LRFN5: variants seen among roughly 807,000 people sequenced by gnomAD.
LRFN5 encodes leucine-rich repeat and fibronectin type-III domain-containing protein 5.
In LRFN5, 24 loss-of-function variants were observed where a neutral mutation model predicts 45.6. The observed-to-expected ratio is 0.53, with a 90% CI of 0.38 to 0.74. LRFN5 has a LOEUF of 0.74. LRFN5 is among the 30% of genes least tolerant of loss of function. The pLI is 0.00. For missense variants in LRFN5, 776 were observed against 861.5 expected, an observed-to-expected ratio of 0.90 and a Z score of 1.24; for synonymous variants, 340 against 313.8, an observed-to-expected ratio of 1.08 and a Z score of -0.88.
At chr14:41,701,589 G>A (rs533312296) in intron 1 of LRFN5, 2 of 152,260 alleles carry the variant, frequency 1.3e-5, no homozygotes, top group South Asian at 4.1e-4. Context: ...ACCTGTCCCT[G>A]TCCCTGTCCT....
intron 2 of LRFN5, among the ~76,000 whole-genome samples, chr14:41,850,681 T>G (rs1383848869): frequency 6.6e-6 from 1 of 151,976 alleles, no homozygotes; most frequent in East Asian, 1.9e-4. Flanking sequence ...TTAATTTCCA[T>G]GAGCAATTTC....
At chr14:41,851,499 A>G (rs1889265903) in intron 2 of LRFN5, among the ~76,000 whole-genome samples, 1 of 151,804 alleles carries the variant, frequency 6.6e-6, no homozygotes, top group Non-Finnish European at 1.5e-5. Context: ...AAGTTCCCCA[A>G]TATGGAACCA....
At position 41,887,697 on chromosome 14, in the gene LRFN5, A is replaced by G. The variant is rs1265714759; in HGVS notation, c.1072A>G (p.Ile358Val). 1.2e-6 allele frequency: 2 copies of G among 1,614,032 alleles called. No homozygotes were observed. Among genetic ancestry groups the G allele is most frequent in the Non-Finnish European group, 8.5e-7 (1 of 1,180,028 alleles). The change falls in exon 3 of 6, where the codon ATT becomes GTT. Residue 358 changes from isoleucine to valine, a missense_variant. Physicochemically the swap from Ile to Val is conservative, Grantham distance 29 (BLOSUM62 3). Coordinates refer to ENST00000298119, the MANE Select transcript of LRFN5 (RefSeq NM_152447.5). This position sits in a 1 kb window ranked among gnomAD's most constrained non-coding sequence, Gnocchi z 4.8. The stretch of plus-strand genomic sequence containing the variant: ...AAAGGATACAGGTGCTTTTACCTGC[A>G]TTGCTTCCAATCCTGCTGGGGAAGC... ...TVKDTGAFTC[I>V]ASNPAGEATQ...
intron 1 of LRFN5, among the ~76,000 whole-genome samples, chr14:41,738,008 G>A (rs1400261933): frequency 2.0e-5 from 3 of 152,032 alleles, no homozygotes; most frequent in African/African-American, 7.2e-5. Flanking sequence ...TAAATTTCAT[G>A]TGGAACCAAA....
chr14:41,897,676 T>C (rs1451271920), intron 4 of LRFN5, among the ~76,000 whole-genome samples: 3 of 152,120 alleles, frequency 2.0e-5, no homozygotes, highest in South Asian at 2.1e-4. Flanking sequence ...CAGATAACAA[T>C]AGAATATAAA....
intron 1 of LRFN5, chr14:41,609,968 A>G (rs999067811): frequency 6.6e-6 from 1 of 152,206 alleles, no homozygotes; most frequent in Non-Finnish European, 1.5e-5. Context: ...GACGTCCCCA[A>G]CTCCTCTTCG....
At chr14:41,678,465 C>T (rs1212427216) in intron 1 of LRFN5, among the ~76,000 whole-genome samples, 3 of 151,964 alleles carry the variant, frequency 2.0e-5, no homozygotes, top group Non-Finnish European at 4.4e-5. Context: ...TTTCAATACC[C>T]CATTTTCAAT....
chr14:41,615,869 A>G (rs1306263539), intron 1 of LRFN5, among the ~76,000 whole-genome samples: 2 of 152,158 alleles, frequency 1.3e-5, no homozygotes, highest in Non-Finnish European at 2.9e-5. Flanking sequence ...TGATACAGGC[A>G]TGCAATGTGA....
At chr14:41,828,634 C>G (rs909315617) in intron 2 of LRFN5, among the ~76,000 whole-genome samples, 3 of 151,912 alleles carry the variant, frequency 2.0e-5, no homozygotes, top group Admixed American at 2.0e-4. Context: ...TTTACCTATT[C>G]AAACCTAATA....
chr14:41,683,058 T>C (rs1188389243), intron 1 of LRFN5, among the ~76,000 whole-genome samples: 1 of 152,196 alleles, frequency 6.6e-6, no homozygotes, highest in Non-Finnish European at 1.5e-5. Context: ...TGAACATTGA[T>C]ATGAAAATCC....
At position 41,630,699 on chromosome 14, in the gene LRFN5, TA is replaced by T. The variant is rs569383718; in HGVS notation, c.-197+22139del. On this transcript the variant is annotated intron_variant, in intron 1 of 5. Transcript: ENST00000298119. ...ATAATTTTCTTTTACTTTATTCATT[TA>T]ACACATAACTGCTTCAATCATGGGA... Among the ~76,000 whole-genome samples, 14 of 152,272 alleles carry T rather than the reference TA, an allele frequency of 9.2e-5. No individual in the cohort carries two copies. The South Asian group carries it at 2.9e-3, about 32-fold the overall frequency.
chr14:41,742,292 T>A (rs1283148330), intron 1 of LRFN5, among the ~76,000 whole-genome samples: 2 of 142,184 alleles, frequency 1.4e-5, no homozygotes, highest in African/African-American at 2.6e-5. Context: ...AAAAGATTAA[T>A]GAAGAAAATG....
intron 1 of LRFN5, among the ~76,000 whole-genome samples, chr14:41,753,416 T>G (rs1175776219): frequency 2.0e-5 from 3 of 152,278 alleles, no homozygotes; most frequent in African/African-American, 7.2e-5. Flanking sequence ...TGTTCTTCCA[T>G]TTGTTTGTAT....
At chr14:41,722,301 G>T (rs1304299161) in intron 1 of LRFN5, among the ~76,000 whole-genome samples, 1 of 151,902 alleles carries the variant, frequency 6.6e-6, no homozygotes, top group Non-Finnish European at 1.5e-5. Context: ...TTTCAACCTT[G>T]TCTTGGGTCT....
At chr14:41,812,723 TAAATAAAATTGATGATGAA>T (rs1268002431) in intron 2 of LRFN5, among the ~76,000 whole-genome samples, 7 of 152,246 alleles carry the variant, frequency 4.6e-5, no homozygotes, top group Non-Finnish European at 8.8e-5. Flanking sequence ...TAAAATTTGT[TAAATAAAATTGATGATGAA>T]AAATAAAATT....
chr14:41,774,407 G>A lies in LRFN5; in HGVS notation c.-21+7378G>A, dbSNP rs1021298595. ...GAAACAGAATATAGGAGCCTTTACA[G>A]CAAGAAAAACATTGGCAGTCTCTAC... is the stretch of plus-strand genomic sequence containing the variant. On this transcript the variant is annotated intron_variant, in intron 2 of 5. Transcript: ENST00000298119. Among the ~76,000 whole-genome samples the A allele has an allele frequency of 2.0e-5, 3 of 152,156 alleles. No individual in the cohort carries two copies. In the East Asian group the frequency reaches 5.8e-4, roughly 29 times the overall value.
chr14:41,846,319 G>A (rs958694089), intron 2 of LRFN5, among the ~76,000 whole-genome samples: 23 of 151,946 alleles, frequency 1.5e-4, no homozygotes, highest in Non-Finnish European at 3.2e-4. Context: ...TGAGAAGAAT[G>A]ATTATAATAG....
At position 41,634,710 on chromosome 14, in the gene LRFN5, T is replaced by C. The variant is rs192928432; in HGVS notation, c.-197+26148T>C. On this transcript the variant is annotated intron_variant, in intron 1 of 5. Transcript: ENST00000298119. ...CAATGTGTACTAACGACCCTCTGCT[T>C]AAATTGAATCCTAATGCTGTAGGGT... Among the ~76,000 whole-genome samples, 4 of 152,276 alleles carry C rather than the reference T, an allele frequency of 2.6e-5. No homozygotes were observed. In the East Asian group the frequency reaches 7.7e-4, roughly 29 times the overall value.
chr14:41,813,121 A>G (rs929381694), intron 2 of LRFN5, among the ~76,000 whole-genome samples: 6 of 148,490 alleles, frequency 4.0e-5, no homozygotes, highest in East Asian at 2.1e-4. Flanking sequence ...ATACTAAACT[A>G]CATTTGTTAA....
Sources: gnomAD v4.1 joint callset for allele counts (sites outside exome capture counted in the v4.1 genomes callset) on GRCh38, gnomAD v4.1.1 for gene constraint, Gnocchi (gnomAD v3.1) non-coding constraint, MANE v1.5 for transcripts, NCBI Gene and HGNC (gene_info 2026-07-23, HGNC 2026-07-21) for gene names.